Variants in EIF4G3 observed in about 807,000 individuals in gnomAD.
EIF4G3 encodes the protein eIF-4-gamma 3.
Under a neutral mutation model 186.4 loss-of-function variants are expected in EIF4G3, and 34 were observed. That is an observed-to-expected ratio of 0.18 (90% CI 0.14 to 0.24). The LOEUF (loss-of-function observed/expected upper bound fraction) is 0.24, where lower values mean the gene tolerates loss of function less well. EIF4G3 is among the 10% of genes least tolerant of loss of function. The pLI is 1.00. For synonymous variants in EIF4G3, 673 were observed against 679.5 expected (o/e 0.99, Z 0.15); for missense variants, 1,536 against 1,948.5 (o/e 0.79, Z 3.99).
chr1:20,901,781 A>G (rs927059848), intron 15 of EIF4G3, among the ~76,000 whole-genome samples: 2 of 152,194 alleles, frequency 1.3e-5, no homozygotes, highest in Admixed American at 6.6e-5. Flanking sequence ...CTAGTCAACT[A>G]GTCTGTACAG....
At chr1:20,868,573 A>G (rs551403390) in intron 20 of EIF4G3, among the ~76,000 whole-genome samples, 1 of 152,270 alleles carries the variant, frequency 6.6e-6, no homozygotes, top group South Asian at 2.1e-4. Flanking sequence ...TTTCAGAGAC[A>G]CAACAGTGGA....
At chr1:21,022,264 T>A (rs1007642708) in intron 4 of EIF4G3, among the ~76,000 whole-genome samples, 1 of 152,248 alleles carries the variant, frequency 6.6e-6, no homozygotes, top group African/African-American at 2.4e-5. Flanking sequence ...GGGAAAGCAC[T>A]CAATGATGGG....
intron 3 of EIF4G3, among the ~76,000 whole-genome samples, chr1:21,053,401 C>T (rs1375222828): frequency 2.6e-5 from 4 of 151,650 alleles, no homozygotes; most frequent in African/African-American, 4.8e-5. Context: ...ACAGCCGCCC[C>T]GTCTGGAAGG....
chr1:21,124,958 T>C (rs1279326410), intron 2 of EIF4G3, among the ~76,000 whole-genome samples: 1 of 152,158 alleles, frequency 6.6e-6, no homozygotes. Flanking sequence ...CACCTCCAGT[T>C]CAATTAACTG....
chr1:21,084,349 G>A (rs1472025583), intron 3 of EIF4G3, among the ~76,000 whole-genome samples: 2 of 152,086 alleles, frequency 1.3e-5, no homozygotes, highest in Non-Finnish European at 2.9e-5. Flanking sequence ...AGCAAGGCAC[G>A]TCTTACATGA....
intron 33 of EIF4G3, among the ~76,000 whole-genome samples, chr1:20,819,484 G>T (rs2061792117): frequency 6.7e-6 from 1 of 150,076 alleles, no homozygotes; most frequent in Admixed American, 6.7e-5. Flanking sequence ...TTTAGACAGG[G>T]TCTTGCTCTT....
intron 2 of EIF4G3, among the ~76,000 whole-genome samples, chr1:21,146,898 T>C (rs2097453014): frequency 6.6e-6 from 1 of 152,144 alleles, no homozygotes; most frequent in South Asian, 2.1e-4. Flanking sequence ...ATCAATGCAA[T>C]AATTGTAATA....
intron 2 of EIF4G3, among the ~76,000 whole-genome samples, chr1:21,141,375 C>G (rs1353322510): frequency 4.6e-5 from 1 of 21,696 alleles, no homozygotes; most frequent in East Asian, 1.8e-3. Context: ...AATATTTTTT[C>G]TTTGTGTGTG....
At chr1:21,106,732 TA>T (rs2096625110) in intron 2 of EIF4G3, among the ~76,000 whole-genome samples, 1 of 151,648 alleles carries the variant, frequency 6.6e-6, no homozygotes, top group African/African-American at 2.4e-5. Context: ...CAAAAAAAAT[TA>T]AAAAATTAAA....
intron 20 of EIF4G3, among the ~76,000 whole-genome samples, chr1:20,870,005 T>C (rs545111008): frequency 7.8e-4 from 119 of 152,210 alleles, no homozygotes; most frequent in African/African-American, 2.7e-3. Flanking sequence ...AGAGGTATAG[T>C]GTTAAAGGAT....
intron 2 of EIF4G3, among the ~76,000 whole-genome samples, chr1:21,127,500 CTA>C (rs1376459064): frequency 6.6e-6 from 1 of 152,206 alleles, no homozygotes; most frequent in African/African-American, 2.4e-5. Context: ...TTATTCATTG[CTA>C]TATCCTCAGC....
chr1:20,941,515 T>G lies in EIF4G3; in HGVS notation c.1639A>C (p.Asn547His). 6.2e-7 allele frequency: 1 copy of G among 1,610,414 alleles called. No individual in the cohort carries two copies. Among genetic ancestry groups the G allele is most frequent in the Non-Finnish European group, 8.5e-7 (1 of 1,178,396 alleles). ...TEEILDSQNL[N>H]SRRSPVPAQI... ...CCTGGGACAGGGCTCCTTCTTGAAT[T>G]TAAGTTTTGAGAATCCAAAATCTCT... The change falls in exon 14 of 37, where the codon AAT becomes CAT. Residue 547 changes from asparagine (N) to histidine (H), a missense_variant. Physicochemically the swap from Asn to His is moderately conservative, Grantham distance 68. Transcript: ENST00000602326.
chr1:20,846,731 GCATAGAGGCTAAAAC>G (rs2071184873), intron 29 of EIF4G3, among the ~76,000 whole-genome samples: 1 of 152,124 alleles, frequency 6.6e-6, no homozygotes, highest in Non-Finnish European at 1.5e-5. Flanking sequence ...TAAATAAATA[GCATAGAGGCTAAAAC>G]ATGCACGGTG....
intron 2 of EIF4G3, among the ~76,000 whole-genome samples, chr1:21,143,343 GAGA>G (rs544598155): frequency 6.6e-6 from 1 of 151,338 alleles, no homozygotes; most frequent in Non-Finnish European, 1.5e-5. Context: ...AAGGAAGAAG[GAGA>G]AGAAGGAGAA....
intron 2 of EIF4G3, among the ~76,000 whole-genome samples, chr1:21,132,930 G>A (rs2097179571): frequency 6.6e-6 from 1 of 151,712 alleles, no homozygotes; most frequent in Non-Finnish European, 1.5e-5. Flanking sequence ...TTACAGGTGT[G>A]CACCACCACG....
chr1:20,928,243 ATGTG>A (rs2095061808), intron 14 of EIF4G3, among the ~76,000 whole-genome samples: 1 of 152,176 alleles, frequency 6.6e-6, no homozygotes, highest in Non-Finnish European at 1.5e-5. Context: ...CAACAATAGC[ATGTG>A]TCAAAAGATG....
At chr1:21,046,822 A>G (rs920943884) in intron 4 of EIF4G3, among the ~76,000 whole-genome samples, 6 of 152,234 alleles carry the variant, frequency 3.9e-5, no homozygotes, top group African/African-American at 1.4e-4. Context: ...GATAGCTTCT[A>G]AGTTTCACAC....
At chr1:20,931,891 C>T (rs544954736) in intron 14 of EIF4G3, among the ~76,000 whole-genome samples, 2 of 150,694 alleles carry the variant, frequency 1.3e-5, no homozygotes, top group East Asian at 3.9e-4. Context: ...TGCCACTGCA[C>T]TCCAGGCTGG....
At chr1:20,986,830 A>G (rs572387808) in intron 7 of EIF4G3, among the ~76,000 whole-genome samples, 1 of 151,954 alleles carries the variant, frequency 6.6e-6, no homozygotes, top group Non-Finnish European at 1.5e-5. Flanking sequence ...GCAAAGAGCT[A>G]GGCACAGAAA....
Sources: allele counts gnomAD v4.1 joint callset (sites outside exome capture counted in the v4.1 genomes callset), GRCh38; gene constraint gnomAD v4.1.1; transcripts MANE v1.5; gene names NCBI Gene and HGNC (gene_info 2026-07-23, HGNC 2026-07-21).